ATP2C1: variants seen among roughly 807,000 people sequenced by gnomAD.
ATP2C1 encodes ATPase secretory pathway Ca2+ transporting 1, also known as calcium-transporting ATPase type 2C member 1.
A neutral mutation model predicts 120.5 loss-of-function variants in ATP2C1; 31 were observed. That is an observed-to-expected ratio of 0.26 (90% confidence interval 0.19 to 0.35). The LOEUF is 0.35. ATP2C1 is among the 10% of genes least tolerant of loss of function. The pLI, the probability that ATP2C1 is intolerant of heterozygous loss-of-function variation, is 1.00. For synonymous variants in ATP2C1, 351 were observed against 358.7 expected (o/e 0.98, Z 0.24); for missense variants, 731 against 1,107.5 (o/e 0.66, Z 4.83).
intron 2 of ATP2C1, chr3:130,918,807 T>C (rs1057345171): frequency 5.7e-6 from 2 of 349,912 alleles, no homozygotes; most frequent in South Asian, 2.4e-5. Flanking sequence ...CTGGCTAACA[T>C]GGTGAAACCC....
At chr3:130,952,762 G>A (rs1259480955) in intron 8 of ATP2C1, among the ~76,000 whole-genome samples, 2 of 152,160 alleles carry the variant, frequency 1.3e-5, no homozygotes, top group Non-Finnish European at 2.9e-5. Context: ...AAGGACCCTT[G>A]AATAAATGCT....
intron 26 of ATP2C1, chr3:131,016,043 G>GTT (rs34645149): frequency 0.029 from 34,749 of 1,205,604 alleles, no homozygotes; most frequent in East Asian, 0.069. Context: ...TTTTGTTTTG[G>GTT]TTTTTTTTTT....
intron 8 of ATP2C1, among the ~76,000 whole-genome samples, chr3:130,948,737 G>T (rs1317380130): frequency 6.6e-6 from 1 of 152,074 alleles, no homozygotes; most frequent in Non-Finnish European, 1.5e-5. Flanking sequence ...TGGCAACCCT[G>T]TGTCAGGCAA....
At chr3:130,925,353 C>G (rs1158439129) in intron 2 of ATP2C1, among the ~76,000 whole-genome samples, 1 of 152,188 alleles carries the variant, frequency 6.6e-6, no homozygotes, top group African/African-American at 2.4e-5. Context: ...TCTTCTGGGT[C>G]TAGCCACCCA....
chr3:130,952,418 C>T (rs888122292), intron 8 of ATP2C1, among the ~76,000 whole-genome samples: 6 of 152,008 alleles, frequency 3.9e-5, no homozygotes, highest in Non-Finnish European at 8.8e-5. Flanking sequence ...AATCATTTTA[C>T]GTGAGGTTAT....
At chr3:131,003,270 A>G (rs781745622), downstream of ATP2C1, 1 of 658,808 alleles carries the variant, frequency 1.5e-6, no homozygotes. Flanking sequence ...TATGATTTAA[A>G]AAGAAGTTGA....
downstream of ATP2C1, among the ~76,000 whole-genome samples, chr3:131,006,978 T>G (rs2063142288): frequency 6.6e-6 from 1 of 152,198 alleles, no homozygotes; most frequent in South Asian, 2.1e-4. Flanking sequence ...TCATTTCTTG[T>G]AAACACTCTT....
chr3:130,907,391 A>G (rs1023613045), intron 2 of ATP2C1, among the ~76,000 whole-genome samples: 4 of 152,092 alleles, frequency 2.6e-5, no homozygotes, highest in Non-Finnish European at 5.9e-5. Flanking sequence ...GATGAAGATT[A>G]TAAGAATTTT....
chr3:130,955,131 C>T (rs2060523820), intron 10 of ATP2C1, 51 bp downstream of exon 10: 1 of 1,203,024 alleles, frequency 8.3e-7, no homozygotes, highest in Non-Finnish European at 1.2e-6. Flanking sequence ...TGAAATTCTT[C>T]ATTGTAAGTA....
chr3:130,984,505 C>T (rs1273000241), intron 20 of ATP2C1, among the ~76,000 whole-genome samples: 1 of 152,196 alleles, frequency 6.6e-6, no homozygotes, highest in Non-Finnish European at 1.5e-5. Context: ...TTCCCTCATC[C>T]TCTAGCAAGT....
At chr3:130,998,960 A>T (rs1260868103) in intron 26 of ATP2C1, among the ~76,000 whole-genome samples, 1 of 152,180 alleles carries the variant, frequency 6.6e-6, no homozygotes, top group Admixed American at 6.5e-5. Context: ...AACTAGTTTC[A>T]TTTGAGGCAT....
At chr3:130,957,004 A>G (rs1038933865) in intron 11 of ATP2C1, among the ~76,000 whole-genome samples, 2 of 152,098 alleles carry the variant, frequency 1.3e-5, no homozygotes, top group Non-Finnish European at 2.9e-5. Flanking sequence ...TGTGGAATAA[A>G]CTTGGTAAGA....
chr3:130,880,377 T>A (rs2068742859), intron 1 of ATP2C1, among the ~76,000 whole-genome samples: 1 of 152,214 alleles, frequency 6.6e-6, no homozygotes, highest in African/African-American at 2.4e-5. Context: ...TAGGAAGTTT[T>A]ACCCCTCCAA....
chr3:130,917,779 C>G (rs1482579651), intron 2 of ATP2C1, among the ~76,000 whole-genome samples: 1 of 152,206 alleles, frequency 6.6e-6, no homozygotes, highest in South Asian at 2.1e-4. Flanking sequence ...ACTGAAACTT[C>G]ATGAGCTTTG....
At chr3:130,963,886 T>C in intron 12 of ATP2C1, 85 bp from the exon 13 acceptor site, 1 of 1,570,706 alleles carries the variant, frequency 6.4e-7, no homozygotes, top group Non-Finnish European at 8.7e-7. Flanking sequence ...TTGCGTTTTA[T>C]TAAGCTTTAA....
At chr3:130,898,593 T>G (rs2069850691) in intron 2 of ATP2C1, among the ~76,000 whole-genome samples, 1 of 152,200 alleles carries the variant, frequency 6.6e-6, no homozygotes, top group Non-Finnish European at 1.5e-5. Context: ...TTTTGTAAAC[T>G]GTAGTAATTT....
intron 1 of ATP2C1, among the ~76,000 whole-genome samples, chr3:130,862,997 C>T (rs2068063926): frequency 6.6e-6 from 1 of 152,112 alleles, no homozygotes; most frequent in South Asian, 2.1e-4. Flanking sequence ...TAGAGTCTTT[C>T]TCGGGGCCTT....
At chr3:130,926,540 A>G (rs1202232845) in intron 2 of ATP2C1, among the ~76,000 whole-genome samples, 1 of 152,244 alleles carries the variant, frequency 6.6e-6, no homozygotes, top group Non-Finnish European at 1.5e-5. Context: ...TCATTTCTAT[A>G]AATATGTAGA....
intron 12 of ATP2C1, chr3:130,963,707 C>G (rs1576904537): frequency 2.3e-6 from 1 of 439,862 alleles, no homozygotes; most frequent in African/African-American, 2.0e-5. Context: ...AGCCCAGGAT[C>G]ACACAAGTAA....
Sources: gnomAD v4.1 joint callset for allele counts (sites outside exome capture counted in the v4.1 genomes callset) on GRCh38, gnomAD v4.1.1 for gene constraint, MANE v1.5 for transcripts, NCBI Gene and HGNC (gene_info 2026-07-23, HGNC 2026-07-21) for gene names.